Variants in FAM13A observed in about 807,000 individuals in gnomAD.
The protein encoded by FAM13A is family with sequence similarity 13 member A.
FAM13A carries 76 observed loss-of-function variants against 129.6 expected under a neutral mutation model. That is an observed-to-expected ratio of 0.59 (90% CI 0.49 to 0.71). The LOEUF (loss-of-function observed/expected upper bound fraction) is 0.71, where lower values mean the gene tolerates loss of function less well. Among genes scored for constraint, FAM13A ranks in the 30% least tolerant of loss-of-function variants. The pLI, the probability that FAM13A is intolerant of heterozygous loss-of-function variation, is 0.00. For missense variants in FAM13A, 1,108 were observed against 1,249.3 expected (o/e 0.89, Z 1.70); for synonymous variants, 443 against 449.9 (o/e 0.98, Z 0.20).
At chr4:88,815,554 T>A (rs993862255) in intron 7 of FAM13A, among the ~76,000 whole-genome samples, 4 of 152,204 alleles carry the variant, frequency 2.6e-5, no homozygotes, top group African/African-American at 7.2e-5. Flanking sequence ...AAAGGGATTT[T>A]AAATTTAGAA....
rs2149769346 is a variant in FAM13A at position 88,809,121 on chromosome 4, G to A, written c.1008-4069C>T. 1.3e-5 allele frequency among the ~76,000 whole-genome samples: 2 copies of A among 152,238 alleles called. 1 individual carries two copies. Among genetic ancestry groups the A allele is most frequent in the South Asian group, 4.1e-4 (2 of 4,824 alleles). ...CTGAAGCCACAGAATGCAGTGCAAT[G>A]CCTATCAGTTTAATTATACAGCAAG... On this transcript the variant is annotated intron_variant, in intron 7 of 23. Coordinates refer to ENST00000264344, the MANE Select transcript of FAM13A (RefSeq NM_014883.4).
intron 4 of FAM13A, among the ~76,000 whole-genome samples, chr4:88,948,703 G>C (rs1208502731): frequency 1.3e-5 from 2 of 152,090 alleles, no homozygotes; most frequent in African/African-American, 4.8e-5. Context: ...TGGCCAGGCT[G>C]GTCTCGAACT....
Position 88,728,593 on chromosome 4 carries a change from C to T in FAM13A, c.3012G>A (p.Ala1004=), listed in dbSNP as rs546892366. 9.9e-6 allele frequency: 16 copies of T among 1,614,202 alleles called. No individual in the cohort carries two copies. The Admixed American group carries it at 1.5e-4, about 15-fold the overall frequency. ...TGAGCACCTCCAGGAGCCTCAGTTT[C>T]GCCTTTATGTGCTTATATTCACTGT... ...EEYSEYKHIK[A]KLRLLEVLIS... is the part of the protein sequence containing the mutation. The change falls in exon 24 of 24, where the codon GCG becomes GCA. Residue 1004 remains alanine (A), a synonymous_variant. Coordinates refer to ENST00000264344, the MANE Select transcript of FAM13A (RefSeq NM_014883.4).
intron 5 of FAM13A, 92 bp downstream of exon 5, chr4:88,937,996 A>G (rs754788527): frequency 5.6e-6 from 5 of 900,694 alleles, no homozygotes; most frequent in Middle Eastern, 2.3e-4. Context: ...TCTGAGGGTT[A>G]TATCCATATG....
chr4:88,804,881 G>C (rs1002575050), intron 8 of FAM13A, 130 bp downstream of exon 8: 14 of 649,996 alleles, frequency 2.2e-5, no homozygotes, highest in Non-Finnish European at 3.6e-5. Context: ...AAGGTGAAGA[G>C]CTCCAGCAAG....
chr4:89,000,576 G>A (rs977085344), intron 3 of FAM13A, among the ~76,000 whole-genome samples: 1 of 152,094 alleles, frequency 6.6e-6, no homozygotes, highest in Admixed American at 6.6e-5. Context: ...TCTTTCTGGG[G>A]TCATAAAAAT....
At chr4:88,818,108 CA>C (rs779985531) in intron 7 of FAM13A, among the ~76,000 whole-genome samples, 1 of 152,124 alleles carries the variant, frequency 6.6e-6, no homozygotes, top group Non-Finnish European at 1.5e-5. Context: ...CTCAGCCTCC[CA>C]AGTAGCTGGG....
At chr4:88,876,870 C>T (rs13117850) in intron 6 of FAM13A, among the ~76,000 whole-genome samples, 8,235 of 152,240 alleles carry the variant, frequency 0.054, 293 homozygotes, top group Non-Finnish European at 0.082. Context: ...GGATTACAGG[C>T]GTGAGCCACC....
At chr4:88,823,274 AACC>A in intron 7 of FAM13A, 1 of 1,252,246 alleles carries the variant, frequency 8.0e-7, no homozygotes, top group Non-Finnish European at 1.0e-6. Flanking sequence ...GAAGCAGCTG[AACC>A]ACCGGGCCAA....
rs533764284 is a variant in FAM13A, at chr4:88,978,577, A to G, written c.605+12396T>C. Among the ~76,000 whole-genome samples the G allele has an allele frequency of 1.2e-3, 177 of 152,250 alleles. 1 individual carries two copies. Among genetic ancestry groups the G allele is most frequent in the Non-Finnish European group, 2.0e-3 (138 of 68,004 alleles). ...TGGGAGGCCGAGGCGGGCAGATCACAAGGTCAGGAGATCGAGACCATCCTG... is the reference window on the plus strand; with the variant it reads ...TGGGAGGCCGAGGCGGGCAGATCACGAGGTCAGGAGATCGAGACCATCCTG... On this transcript the variant is annotated intron_variant, in intron 4 of 23. Coordinates refer to ENST00000264344, the MANE Select transcript of FAM13A (RefSeq NM_014883.4).
chr4:88,885,864 G>C (rs1462603771), intron 6 of FAM13A, among the ~76,000 whole-genome samples: 2 of 148,648 alleles, frequency 1.3e-5, no homozygotes, highest in Non-Finnish European at 3.0e-5. Flanking sequence ...GGCATGAATA[G>C]ACAATTCTCA....
intron 7 of FAM13A, among the ~76,000 whole-genome samples, chr4:88,815,813 A>C (rs1197629614): frequency 1.3e-5 from 2 of 152,176 alleles, no homozygotes; most frequent in Non-Finnish European, 2.9e-5. Context: ...ACGTTTATTT[A>C]GAAAAATTAA....
chr4:89,013,282 AAC>A (rs1491514805), intron 3 of FAM13A, among the ~76,000 whole-genome samples: 6 of 149,742 alleles, frequency 4.0e-5, no homozygotes, highest in African/African-American at 4.9e-5. Context: ...ATATATATAT[AAC>A]ACAGTATATA....
chr4:88,769,794 G>A (rs1024854735), intron 11 of FAM13A, among the ~76,000 whole-genome samples: 3 of 151,660 alleles, frequency 2.0e-5, no homozygotes, highest in Non-Finnish European at 4.4e-5. Context: ...ATGCACCACT[G>A]CACTCCAGCC....
intron 6 of FAM13A, among the ~76,000 whole-genome samples, chr4:88,871,347 C>T (rs1233500305): frequency 1.3e-5 from 2 of 152,044 alleles, no homozygotes; most frequent in African/African-American, 2.4e-5. Context: ...CAAACTTCTT[C>T]GAGCTAAAGG....
chr4:88,910,426 T>A (rs897552099), intron 5 of FAM13A, among the ~76,000 whole-genome samples: 25 of 152,152 alleles, frequency 1.6e-4, no homozygotes, highest in African/African-American at 5.8e-4. Flanking sequence ...CACTGTCCCC[T>A]CAGCCTTGCA....
chr4:88,740,667 A>T (rs1740056969), intron 19 of FAM13A, among the ~76,000 whole-genome samples: 1 of 152,232 alleles, frequency 6.6e-6, no homozygotes, highest in Non-Finnish European at 1.5e-5. Context: ...TGAGCCTTCA[A>T]CTTTGAAGAT....
intron 14 of FAM13A, among the ~76,000 whole-genome samples, chr4:88,752,970 G>C (rs1336640738): frequency 6.6e-6 from 1 of 152,210 alleles, no homozygotes; most frequent in African/African-American, 2.4e-5. Flanking sequence ...CTGGGGGCAG[G>C]GCACGGAGCT....
intron 4 of FAM13A, among the ~76,000 whole-genome samples, chr4:88,941,983 C>T (rs531775091): frequency 6.6e-6 from 1 of 152,228 alleles, no homozygotes; most frequent in South Asian, 2.1e-4. Flanking sequence ...CCAAAGCCAT[C>T]TTGGCTCTAA....
Sources: gnomAD v4.1 joint callset for allele counts (sites outside exome capture counted in the v4.1 genomes callset) on GRCh38, gnomAD v4.1.1 for gene constraint, MANE v1.5 for transcripts, NCBI Gene and HGNC (gene_info 2026-07-23, HGNC 2026-07-21) for gene names.